The following TLDC2 variants were observed in gnomAD, a reference collection of about 807,000 sequenced individuals.
TLDC2 encodes the protein TBC/LysM-associated domain containing 2, also known as TLD domain-containing protein 2.
In TLDC2, 23 loss-of-function variants were observed where a neutral mutation model predicts 27.9. The ratio of observed to expected loss-of-function variants is 0.82; its 90% confidence interval spans 0.59 to 1.17. The LOEUF (loss-of-function observed/expected upper bound fraction) is 1.17, where lower values mean the gene tolerates loss of function less well. TLDC2 is among the 50% of genes most tolerant of loss of function. TLDC2 has a pLI of 0.00. For synonymous variants in TLDC2, 124 were observed against 107.4 expected (o/e 1.16, Z -0.96); for missense variants, 286 against 273.4 (o/e 1.05, Z -0.32).
Position 36,888,306 on chromosome 20 carries a change from A to G in TLDC2, c.512+778A>G, listed in dbSNP as rs1452196705. Among the ~76,000 whole-genome samples, 5 of 151,594 alleles carry G rather than the reference A, an allele frequency of 3.3e-5. No individual in the cohort carries two copies. The East Asian group carries it at 9.9e-4, about 30-fold the overall frequency. ...GAGTGCAGTGGTGTGATCTCAGCTC[A>G]CCACACCCTCCGACTCCTGGGTTCA... On this transcript the variant is annotated intron_variant, in intron 5 of 6. Transcript: ENST00000217320.
intron 6 of TLDC2, chr20:36,889,944 C>G (rs929389167): frequency 6.6e-6 from 1 of 151,900 alleles, no homozygotes; most frequent in Admixed American, 6.6e-5. Context: ...CTTACAAAAA[C>G]AGGATTCTAC....
intron 6 of TLDC2, chr20:36,892,649 T>G (rs1458430331): frequency 2.2e-6 from 1 of 452,496 alleles, no homozygotes; most frequent in Non-Finnish European, 4.0e-6. Context: ...AAAAATAGAG[T>G]TCAGAATAGA....
intron 6 of TLDC2, chr20:36,891,973 G>A (rs767208155): frequency 3.3e-5 from 5 of 152,372 alleles, no homozygotes; most frequent in Admixed American, 6.5e-5. Context: ...TACTGAGAGA[G>A]CAGGTCAGGG....
At chr20:36,878,675 A>T (rs1021823614) in intron 2 of TLDC2, among the ~76,000 whole-genome samples, 1 of 151,976 alleles carries the variant, frequency 6.6e-6, no homozygotes, top group African/African-American at 2.4e-5. Flanking sequence ...GAGACGGAGG[A>T]TCAGGAGGAG....
At chr20:36,883,453 A>C (rs1488113410) in intron 4 of TLDC2, among the ~76,000 whole-genome samples, 1 of 152,042 alleles carries the variant, frequency 6.6e-6, no homozygotes, top group African/African-American at 2.4e-5. Flanking sequence ...TGGCATTTCC[A>C]GCTTACCATG....
intron 1 of TLDC2, among the ~76,000 whole-genome samples, chr20:36,877,083 G>C (rs1289981653): frequency 6.6e-6 from 1 of 152,138 alleles, no homozygotes; most frequent in Non-Finnish European, 1.5e-5. Flanking sequence ...GGAAAATGCT[G>C]ATAAGAAGAA....
intron 5 of TLDC2, among the ~76,000 whole-genome samples, chr20:36,888,004 C>A (rs919966999): frequency 6.6e-6 from 1 of 152,104 alleles, no homozygotes; most frequent in Admixed American, 6.6e-5. Context: ...GGGATGAGAG[C>A]ATTGCTTGAT....
chr20:36,876,299 G>A (rs996410385), intron 1 of TLDC2, 92 bp downstream of exon 1: 10 of 1,546,370 alleles, frequency 6.5e-6, no homozygotes, highest in African/African-American at 1.4e-5. Flanking sequence ...GGTTGGATGC[G>A]GGCAGTGACT....
At chr20:36,877,268 C>A (rs1298197018) in intron 1 of TLDC2, among the ~76,000 whole-genome samples, 1 of 151,252 alleles carries the variant, frequency 6.6e-6, no homozygotes, top group East Asian at 1.9e-4. Context: ...GTCATCCCAG[C>A]TATTTGGGAG....
In TLDC2 at chr20:36,893,109, G is replaced by A. The variant is rs1044047789; in HGVS notation, c.*265G>A. The A allele has an allele frequency of 7.5e-6, 12 of 1,606,450 alleles. No homozygotes were observed. Among genetic ancestry groups the A allele is most frequent in the Non-Finnish European group, 1.0e-5 (12 of 1,178,976 alleles). On this transcript the variant is annotated 3_prime_UTR_variant, in exon 7 of 7. Coordinates refer to ENST00000217320, the MANE Select transcript of TLDC2 (RefSeq NM_080628.3). ...AAAAACAGGCAATAGAGAAAAGCCA[G>A]TTTCCATCATCTTATTTCTGAGTGA...
intron 1 of TLDC2, among the ~76,000 whole-genome samples, chr20:36,876,886 A>G (rs1327561671): frequency 1.3e-5 from 2 of 152,194 alleles, no homozygotes; most frequent in African/African-American, 4.8e-5. Flanking sequence ...ACATTGATAT[A>G]TAAACACAAA....
chr20:36,893,680 C>A lies in TLDC2; in HGVS notation c.*836C>A, dbSNP rs1435938476. The A allele has an allele frequency of 2.3e-5, 9 of 388,412 alleles. No homozygotes were observed. The East Asian group carries it at 3.3e-4, about 14-fold the overall frequency. The allele number at this position is 388,412 out of a possible 1,614,324, so 24.1% of individuals were successfully genotyped here. ...ATACTTGACTCTATGCTAAACTGTT[C>A]TGAACTTGTGGGTAGATCTTCTTTG... On this transcript the variant is annotated 3_prime_UTR_variant, in exon 7 of 7. Coordinates refer to ENST00000217320, the MANE Select transcript of TLDC2 (RefSeq NM_080628.3).
At chr20:36,877,611 A>G (rs368498600) in intron 1 of TLDC2, among the ~76,000 whole-genome samples, 1 of 152,140 alleles carries the variant, frequency 6.6e-6, no homozygotes, top group Admixed American at 6.5e-5. Context: ...AAACAGACCG[A>G]CAAGTCGCAC....
At chr20:36,890,198 T>C (rs1990027296) in intron 6 of TLDC2, 1 of 152,200 alleles carries the variant, frequency 6.6e-6, no homozygotes, top group Non-Finnish European at 1.5e-5. Context: ...GGTCGAAACC[T>C]TTGTGGAACA....
chr20:36,876,265 C>G (rs373286560), intron 1 of TLDC2, 58 bp downstream of exon 1: 2 of 1,610,848 alleles, frequency 1.2e-6, no homozygotes, highest in African/African-American at 2.7e-5. Flanking sequence ...GGTGAGGTCT[C>G]TGGCAGGGTG....
chr20:36,886,746 A>G (rs1031915797), intron 4 of TLDC2, among the ~76,000 whole-genome samples: 1 of 152,232 alleles, frequency 6.6e-6, no homozygotes, highest in Middle Eastern at 3.4e-3. Context: ...AGTGCACACC[A>G]TCACACCTAG....
chr20:36,880,763 A>C lies in TLDC2; in HGVS notation c.438+13A>C. The C allele has an allele frequency of 1.2e-6, 2 of 1,612,138 alleles. No homozygotes were observed. Among genetic ancestry groups the C allele is most frequent in the Non-Finnish European group, 1.7e-6 (2 of 1,178,316 alleles). On this transcript the variant is annotated intron_variant, in intron 4 of 6. Coordinates refer to ENST00000217320, the MANE Select transcript of TLDC2 (RefSeq NM_080628.3). The stretch of plus-strand genomic sequence containing the variant: ...CCCACAGCTGAAGGTGATGTTCCCA[A>C]CCTTCCATGGGGGGAGTGGGGCGTG...
At chr20:36,880,786 G>T in intron 4 of TLDC2, 36 bp downstream of exon 4, 1 of 1,596,176 alleles carries the variant, frequency 6.3e-7, no homozygotes. Flanking sequence ...GGAGTGGGGC[G>T]TGTGGCGAGA....
intron 5 of TLDC2, among the ~76,000 whole-genome samples, chr20:36,888,157 A>C (rs376892525): frequency 2.0e-5 from 3 of 152,208 alleles, no homozygotes; most frequent in East Asian, 3.9e-4. Context: ...AAATAAGGGG[A>C]TTAGAATGGA....
Sources: gnomAD v4.1 joint callset for allele counts (sites outside exome capture counted in the v4.1 genomes callset) on GRCh38, gnomAD v4.1.1 for gene constraint, MANE v1.5 for transcripts, NCBI Gene and HGNC (gene_info 2026-07-23, HGNC 2026-07-21) for gene names.